Variants in RAD54L2 observed in about 807,000 individuals in gnomAD.
The protein encoded by RAD54L2 is RAD54 like 2, also known as helicase ARIP4.
RAD54L2 carries 27 observed loss-of-function variants against 138.4 expected under a neutral mutation model. That is an observed-to-expected ratio of 0.20 (90% CI 0.14 to 0.27). The LOEUF (loss-of-function observed/expected upper bound fraction) is 0.27. Ranked by LOEUF, RAD54L2 falls within the 10% of genes least tolerant of loss-of-function variation. The pLI is 1.00. For synonymous variants in RAD54L2, 644 were observed against 723.2 expected (o/e 0.89, Z 1.76); for missense variants, 1,396 against 1,890.2 (o/e 0.74, Z 4.85).
intron 3 of RAD54L2, among the ~76,000 whole-genome samples, chr3:51,624,232 GTT>G (rs747895714): frequency 3.8e-5 from 5 of 130,448 alleles, no homozygotes; most frequent in Admixed American, 7.8e-5. Flanking sequence ...GGTGTGTGTG[GTT>G]TTTTTTTTTT....
Position 51,590,410 on chromosome 3 carries a change from C to A in RAD54L2, c.-11C>A. On this transcript the variant is annotated 5_prime_UTR_variant, in exon 3 of 23. Transcript: ENST00000684192. Reference sequence around the variant, plus strand: ...TGAGTCGGTAATGCCCACTGAGGACCTCTGGGAGCCATGTCAGACGAATCT... The same window carrying A: ...TGAGTCGGTAATGCCCACTGAGGACATCTGGGAGCCATGTCAGACGAATCT... The A allele has an allele frequency of 6.6e-7, 1 of 1,525,056 alleles. No individual in the cohort carries two copies. 94.5% of individuals were successfully genotyped at this position (1,525,056 alleles called of 1,614,324 possible). A position where few individuals can be genotyped will look rare whatever the true frequency, so the allele number is the denominator to read the frequency against.
At chr3:51,601,600 C>G (rs1700082459) in intron 3 of RAD54L2, among the ~76,000 whole-genome samples, 1 of 151,982 alleles carries the variant, frequency 6.6e-6, no homozygotes, top group African/African-American at 2.4e-5. Context: ...GCCACCGCGC[C>G]CGGGCTAATT....
At chr3:51,607,046 CT>C (rs1700198452) in intron 3 of RAD54L2, among the ~76,000 whole-genome samples, 1 of 142,514 alleles carries the variant, frequency 7.0e-6, no homozygotes, top group Non-Finnish European at 1.5e-5. Flanking sequence ...AGATATCTAA[CT>C]TTTTTTGGAT....
chr3:51,627,710 AAAG>A lies in RAD54L2; in HGVS notation c.302_304del (p.Lys101del). On this transcript the variant is annotated inframe_deletion, in exon 4 of 23. Transcript: ENST00000684192. ...AGAACCTAGCCTCCGAGGACCCCAA[AAAG>A]AAGAGAGCTCAGAAGCCCTCCCACA... The A allele has an allele frequency of 1.2e-6, 2 of 1,613,850 alleles. No homozygotes were observed. Among genetic ancestry groups the A allele is most frequent in the Non-Finnish European group, 8.5e-7 (1 of 1,179,834 alleles).
At chr3:51,578,722 G>A (rs981715274) in intron 2 of RAD54L2, among the ~76,000 whole-genome samples, 17 of 152,250 alleles carry the variant, frequency 1.1e-4, no homozygotes, top group African/African-American at 2.6e-4. Context: ...TACTGGCCTC[G>A]TGGCAGCATC....
chr3:51,647,900 C>G (rs1473130468), intron 19 of RAD54L2, among the ~76,000 whole-genome samples: 1 of 152,160 alleles, frequency 6.6e-6, no homozygotes, highest in Non-Finnish European at 1.5e-5. Flanking sequence ...CAGGTGATTT[C>G]TGCATTTCCA....
chr3:51,662,531 G>T lies in RAD54L2; in HGVS notation c.3515G>T (p.Ser1172Ile), dbSNP rs749496769. The change falls in exon 23 of 23, where the codon AGC (serine) becomes ATC (isoleucine). Residue 1172 changes from serine (S) to isoleucine (I), a missense_variant. Ser to Ile is a moderately radical substitution (Grantham distance 142). This residue lies in a region of RAD54L2 where 634 missense variants were observed against 711.2 expected (regional missense o/e 0.89). Transcript: ENST00000684192. This position sits in a 1 kb window ranked among gnomAD's most constrained non-coding sequence, Gnocchi z 4.6. ...EGLARPVSPD[S>I]PEIISELQQY... ...CTGGCCAGGCCCGTCTCTCCTGACAGCCCAGAGATCATCAGTGAGCTTCAG... is the reference window on the plus strand; with the variant it reads ...CTGGCCAGGCCCGTCTCTCCTGACATCCCAGAGATCATCAGTGAGCTTCAG... 6.2e-7 allele frequency: 1 copy of T among 1,613,666 alleles called. No individual in the cohort carries two copies. Among genetic ancestry groups the T allele is most frequent in the Non-Finnish European group, 8.5e-7 (1 of 1,179,768 alleles).
At chr3:51,648,849 C>T (rs1701354600) in intron 19 of RAD54L2, among the ~76,000 whole-genome samples, 1 of 152,106 alleles carries the variant, frequency 6.6e-6, no homozygotes, top group African/African-American at 2.4e-5. Flanking sequence ...TGGGGAGAAA[C>T]CAGAGCAGAA....
intron 7 of RAD54L2, 54 bp from the exon 8 acceptor site, chr3:51,633,523 C>T (rs1312286245): frequency 2.0e-6 from 3 of 1,524,800 alleles, no homozygotes; most frequent in East Asian, 4.5e-5. Context: ...TGAGTAAAAA[C>T]TGGAGCCCTC....
In RAD54L2 at chr3:51,562,231, T is replaced by A. The variant is rs1197789679; in HGVS notation, c.-55+20581T>A. Among the ~76,000 whole-genome samples, 7 of 151,612 alleles carry A rather than the reference T, an allele frequency of 4.6e-5. 1 individual carries two copies. In the South Asian group the frequency reaches 1.0e-3, roughly 23 times the overall value. The stretch of plus-strand genomic sequence containing the variant: ...TTGTATTTTTATTCTTTAAATTTTT[T>A]AAATTTTATTTTTTTTTGAGATGGA... On this transcript the variant is annotated intron_variant, in intron 2 of 22. Transcript: ENST00000684192.
chr3:51,633,875 C>T (rs1186370704), intron 8 of RAD54L2, 27 bp from the exon 9 acceptor site: 18 of 1,608,488 alleles, frequency 1.1e-5, no homozygotes, highest in Non-Finnish European at 1.5e-5. Flanking sequence ...CCATAAAACT[C>T]TCTTTTTGGA....
Position 51,666,209 on chromosome 3 carries a change from TA to T in RAD54L2, c.*2792del, listed in dbSNP as rs55732988. The T allele has an allele frequency of 8.1e-6, 1 of 122,710 alleles. No homozygotes were observed. Among genetic ancestry groups the T allele is most frequent in the East Asian group, 2.9e-4 (1 of 3,414 alleles). 7.6% of individuals were successfully genotyped at this position (122,710 alleles called of 1,614,324 possible). The stretch of plus-strand genomic sequence containing the variant: ...TTTTTTTTTTTTTTTTTTTTTTTTT[TA>T]AAGAAAATAACCTGAAAACACTTCT... On this transcript the variant is annotated 3_prime_UTR_variant, in exon 23 of 23. Transcript: ENST00000684192.
At chr3:51,571,388 CTTTTTTTTTT>C (rs568383202) in intron 2 of RAD54L2, among the ~76,000 whole-genome samples, 1 of 115,842 alleles carries the variant, frequency 8.6e-6, no homozygotes, top group Non-Finnish European at 1.9e-5. Context: ...GGAATACCTG[CTTTTTTTTTT>C]TTTTTTTTTT....
intron 19 of RAD54L2, among the ~76,000 whole-genome samples, chr3:51,649,159 A>G (rs1004187006): frequency 6.6e-6 from 1 of 152,090 alleles, no homozygotes; most frequent in Non-Finnish European, 1.5e-5. Flanking sequence ...TGACACATGC[A>G]TAAGCTTCAG....
intron 2 of RAD54L2, among the ~76,000 whole-genome samples, chr3:51,546,553 C>A (rs2108686217): frequency 6.6e-6 from 1 of 150,818 alleles, no homozygotes; most frequent in Non-Finnish European, 1.5e-5. Context: ...GGCAGGAGAA[C>A]CACTTGAACC....
chr3:51,572,349 A>T (rs748843668), intron 2 of RAD54L2, among the ~76,000 whole-genome samples: 33 of 151,730 alleles, frequency 2.2e-4, no homozygotes, highest in Non-Finnish European at 2.2e-4. Flanking sequence ...GCTACTCAGG[A>T]GACTAAGGCA....
chr3:51,639,553 G>A lies in RAD54L2; in HGVS notation c.1995G>A (p.Lys665=). 5 of 1,614,026 alleles carry A rather than the reference G, an allele frequency of 3.1e-6. No homozygotes were observed. Among genetic ancestry groups the A allele is most frequent in the Non-Finnish European group, 4.2e-6 (5 of 1,179,888 alleles). ...ARCPPQGTKG[K]GEDSTLASSM... ...GTCCACCACAGGGAACAAAAGGCAA[G>A]GGAGAGGATAGCACCTTGGCTTCCT... The change falls in exon 13 of 23, where the codon AAG becomes AAA. Residue 665 remains lysine, a synonymous_variant. Transcript: ENST00000684192.
At chr3:51,598,465 C>T (rs937119869) in intron 3 of RAD54L2, among the ~76,000 whole-genome samples, 3 of 152,070 alleles carry the variant, frequency 2.0e-5, no homozygotes, top group African/African-American at 4.8e-5. Flanking sequence ...GGGATGGGTG[C>T]GGTGGCTCAC....
At chr3:51,602,649 C>T (rs1031977665) in intron 3 of RAD54L2, among the ~76,000 whole-genome samples, 1 of 152,162 alleles carries the variant, frequency 6.6e-6, no homozygotes, top group South Asian at 2.1e-4. Context: ...TAACAGTGTG[C>T]GAGAGCAGCA....
Sources: gnomAD v4.1 joint callset for allele counts (sites outside exome capture counted in the v4.1 genomes callset) on GRCh38, gnomAD v4.1.1 for gene constraint, gnomAD v4.1.1 regional missense constraint, Gnocchi (gnomAD v3.1) non-coding constraint, MANE v1.5 for transcripts, NCBI Gene and HGNC (gene_info 2026-07-23, HGNC 2026-07-21) for gene names.